The following SHANK2 variants were observed in gnomAD, a reference collection of about 807,000 sequenced individuals.
The protein encoded by SHANK2 is SH3 and multiple ankyrin repeat domains protein 2.
SHANK2 carries 43 observed loss-of-function variants against 133.7 expected under a neutral mutation model. That is an observed-to-expected ratio of 0.32 (90% CI 0.25 to 0.41). The LOEUF is 0.41. Ranked by LOEUF, SHANK2 falls within the 10% of genes least tolerant of loss-of-function variation. The probability of loss-of-function intolerance (pLI) is 1.00; values close to 1 mark genes in which losing one functional copy is unlikely to be tolerated. For synonymous variants in SHANK2, 1,017 were observed against 952.8 expected, an observed-to-expected ratio of 1.07 and a Z score of -1.24; for missense variants, 1,994 against 2,235.8, an observed-to-expected ratio of 0.89 and a Z score of 2.18.
intron 17 of SHANK2, among the ~76,000 whole-genome samples, chr11:70,612,040 A>G (rs1018308739): frequency 4.6e-5 from 7 of 151,964 alleles, no homozygotes; most frequent in Admixed American, 2.0e-4. Flanking sequence ...TCTGCCCAAG[A>G]TCCAGGAAGG....
intron 2 of SHANK2, among the ~76,000 whole-genome samples, chr11:71,204,558 A>G (rs1954089710): frequency 6.6e-6 from 1 of 152,162 alleles, no homozygotes. Flanking sequence ...CTCCCCAGGC[A>G]GGTGCACTTC....
chr11:70,524,230 C>T (rs1237268496), intron 17 of SHANK2, among the ~76,000 whole-genome samples: 2 of 152,200 alleles, frequency 1.3e-5, no homozygotes, highest in Non-Finnish European at 2.9e-5. Flanking sequence ...GTCCCACCCC[C>T]TGGGGGGCAG....
intron 10 of SHANK2, among the ~76,000 whole-genome samples, chr11:70,922,252 G>T (rs1253285859): frequency 6.6e-6 from 1 of 152,030 alleles, no homozygotes; most frequent in Non-Finnish European, 1.5e-5. Context: ...AAGGACAAAT[G>T]GAAAACAGAA....
chr11:71,060,381 T>A (rs1950973331), intron 9 of SHANK2, among the ~76,000 whole-genome samples: 1 of 152,126 alleles, frequency 6.6e-6, no homozygotes, highest in East Asian at 1.9e-4. Flanking sequence ...CCTAGAACGG[T>A]CTCAGAACAA....
At chr11:70,946,215 C>T (rs1278507402) in intron 10 of SHANK2, among the ~76,000 whole-genome samples, 3 of 143,574 alleles carry the variant, frequency 2.1e-5, no homozygotes, top group Non-Finnish European at 4.6e-5. Context: ...CGCTAACCAA[C>T]TCTTCCCCAA....
chr11:70,813,178 G>A (rs186815158), intron 12 of SHANK2, among the ~76,000 whole-genome samples: 52 of 152,164 alleles, frequency 3.4e-4, no homozygotes, highest in African/African-American at 1.2e-3. Flanking sequence ...ATGCATTTCC[G>A]CCCATCTGAG....
chr11:70,806,576 T>C (rs1032667773), intron 13 of SHANK2, among the ~76,000 whole-genome samples: 6 of 152,156 alleles, frequency 3.9e-5, no homozygotes, highest in Admixed American at 3.9e-4. Context: ...TCCAACCTGG[T>C]AGAATTCCTT....
At chr11:70,737,341 GC>G (rs1946426835) in intron 14 of SHANK2, among the ~76,000 whole-genome samples, 1 of 152,210 alleles carries the variant, frequency 6.6e-6, no homozygotes. Context: ...TGAGGTGGCA[GC>G]CCCAACGGCT....
intron 3 of SHANK2, among the ~76,000 whole-genome samples, chr11:71,137,256 T>G (rs1273672446): frequency 6.6e-6 from 1 of 151,376 alleles, no homozygotes; most frequent in Non-Finnish European, 1.5e-5. Flanking sequence ...GTCTTTTCTT[T>G]TTTTTTAAAT....
rs569401130 is a variant in SHANK2, at chr11:70,776,278, T to C, written c.1777+22165A>G. ...GGGGGCAGGTCACCCACCCCTCCCATGTGGATGTCCAAGCCCCAACCCCAT... is the reference window on the plus strand; with the variant it reads ...GGGGGCAGGTCACCCACCCCTCCCACGTGGATGTCCAAGCCCCAACCCCAT... On this transcript the variant is annotated intron_variant, in intron 14 of 25. Transcript: ENST00000601538. 5.3e-5 allele frequency among the ~76,000 whole-genome samples: 8 copies of C among 152,222 alleles called. No individual in the cohort carries two copies. The East Asian group carries it at 1.5e-3, about 29-fold the overall frequency.
At chr11:70,931,082 G>A (rs1337845384) in intron 10 of SHANK2, among the ~76,000 whole-genome samples, 2 of 152,106 alleles carry the variant, frequency 1.3e-5, no homozygotes, top group African/African-American at 4.8e-5. Flanking sequence ...GATGAGACTT[G>A]ACCACACCAT....
At chr11:70,644,440 G>C (rs2061232911) in intron 17 of SHANK2, among the ~76,000 whole-genome samples, 1 of 152,168 alleles carries the variant, frequency 6.6e-6, no homozygotes, top group Non-Finnish European at 1.5e-5. Flanking sequence ...CAAAGGAAGA[G>C]AATGTTGTAT....
intron 17 of SHANK2, among the ~76,000 whole-genome samples, chr11:70,609,090 T>C (rs2060619358): frequency 6.6e-6 from 1 of 152,172 alleles, no homozygotes; most frequent in Non-Finnish European, 1.5e-5. Flanking sequence ...CTGCAGCAAG[T>C]GGTCGCGTTG....
At chr11:70,615,676 G>C (rs1007092909) in intron 17 of SHANK2, among the ~76,000 whole-genome samples, 1 of 152,178 alleles carries the variant, frequency 6.6e-6, no homozygotes, top group Non-Finnish European at 1.5e-5. Context: ...CTCGCTGTGT[G>C]GGCGGCTGGC....
chr11:70,472,481 C>T lies in SHANK2; in HGVS notation c.*388G>A, dbSNP rs1349359106. The T allele has an allele frequency of 2.7e-5, 8 of 294,244 alleles. No individual in the cohort carries two copies. Among genetic ancestry groups the T allele is most frequent in the South Asian group, 1.4e-4 (4 of 27,864 alleles). 18.2% of individuals were successfully genotyped at this position (294,244 alleles called of 1,614,324 possible). A position where few individuals can be genotyped will look rare whatever the true frequency, so the allele number is the denominator to read the frequency against. ...TGAGAGCTGCCCGGAAAGCAGAGGA[C>T]GGAGGTCTCAGGAGGTATCTAGAGT... On this transcript the variant is annotated 3_prime_UTR_variant, in exon 26 of 26. Transcript: ENST00000601538. The surrounding 1 kb of genome is among the most constrained non-coding windows in gnomAD (Gnocchi z 4.4).
intron 10 of SHANK2, among the ~76,000 whole-genome samples, chr11:70,933,646 G>A (rs186136133): frequency 6.6e-6 from 1 of 152,330 alleles, no homozygotes; most frequent in Non-Finnish European, 1.5e-5. Context: ...CAGGCTGGGT[G>A]TGGTGGCTCA....
At chr11:70,545,631 G>A (rs1554976183) in intron 17 of SHANK2, among the ~76,000 whole-genome samples, 1 of 152,240 alleles carries the variant, frequency 6.6e-6, no homozygotes, top group African/African-American at 2.4e-5. Context: ...TCATTAAACA[G>A]CTGGTGTTGT....
chr11:70,636,850 A>G (rs574860272), intron 17 of SHANK2, among the ~76,000 whole-genome samples: 2 of 151,724 alleles, frequency 1.3e-5, no homozygotes, highest in Admixed American at 1.3e-4. Flanking sequence ...ATAAGAATGT[A>G]TGTAAGCATG....
chr11:71,223,743 G>A (rs1465673317), intron 2 of SHANK2, among the ~76,000 whole-genome samples: 1 of 152,158 alleles, frequency 6.6e-6, no homozygotes, highest in Admixed American at 6.5e-5. Context: ...GCAGCTTCTT[G>A]GGCAGGCCCG....
Sources: allele counts gnomAD v4.1 joint callset (sites outside exome capture counted in the v4.1 genomes callset), GRCh38; gene constraint gnomAD v4.1.1; non-coding constraint Gnocchi (gnomAD v3.1); transcripts MANE v1.5; gene names NCBI Gene and HGNC (gene_info 2026-07-23, HGNC 2026-07-21).